The following PTPRM variants were observed in gnomAD, a reference collection of about 807,000 sequenced individuals.
PTPRM encodes the protein receptor-type tyrosine-protein phosphatase mu.
In PTPRM, 47 loss-of-function variants were observed where a neutral mutation model predicts 186.7. The observed-to-expected ratio is 0.25, with a 90% CI of 0.20 to 0.32. PTPRM has a LOEUF of 0.32. Among genes scored for constraint, PTPRM ranks in the 10% least tolerant of loss-of-function variants. The pLI is 1.00. For synonymous variants in PTPRM, 668 were observed against 674.9 expected, an observed-to-expected ratio of 0.99 and a Z score of 0.16; for missense variants, 1,494 against 1,865.0, an observed-to-expected ratio of 0.80 and a Z score of 3.66.
chr18:7,715,029 C>T (rs1042753164), intron 1 of PTPRM, among the ~76,000 whole-genome samples: 31 of 152,158 alleles, frequency 2.0e-4, no homozygotes, highest in Admixed American at 1.7e-3. Flanking sequence ...CATCCTGATA[C>T]CAAAATCTGG....
intron 12 of PTPRM, 24 bp downstream of exon 12, chr18:8,113,783 A>G (rs371712569): frequency 2.2e-5 from 35 of 1,588,290 alleles, no homozygotes; most frequent in African/African-American, 6.7e-5. Flanking sequence ...ATAACTGTTT[A>G]CTTAGGCTAT....
chr18:8,278,986 G>A (rs2094869785), intron 19 of PTPRM, among the ~76,000 whole-genome samples: 2 of 152,058 alleles, frequency 1.3e-5, no homozygotes, highest in South Asian at 4.2e-4. Context: ...TAAATGACGG[G>A]TTAATGGGTG....
At chr18:7,918,014 T>A (rs1231777181) in intron 4 of PTPRM, among the ~76,000 whole-genome samples, 2 of 152,156 alleles carry the variant, frequency 1.3e-5, no homozygotes, top group Non-Finnish European at 2.9e-5. Context: ...TGACAGGATT[T>A]CATGCTTTTT....
intron 1 of PTPRM, among the ~76,000 whole-genome samples, chr18:7,585,014 G>A (rs2036941532): frequency 6.6e-6 from 1 of 152,220 alleles, no homozygotes; most frequent in South Asian, 2.1e-4. Context: ...GTGGAAATTA[G>A]GGAGGGAGAG....
chr18:8,145,689 G>A lies in PTPRM; in HGVS notation c.2300+1910G>A, dbSNP rs184126912. ...ATGGCTGCATAGTATTCCATGGTGCGTATGTGCCACATTTTCTTTATCCAG... is the reference window on the plus strand; with the variant it reads ...ATGGCTGCATAGTATTCCATGGTGCATATGTGCCACATTTTCTTTATCCAG... On this transcript the variant is annotated intron_variant, in intron 14 of 32. Coordinates refer to ENST00000580170, the MANE Select transcript of PTPRM (RefSeq NM_001105244.2). 1.8e-4 allele frequency among the ~76,000 whole-genome samples: 28 copies of A among 152,258 alleles called. No homozygotes were observed. In the East Asian group the frequency reaches 2.1e-3, roughly 12 times the overall value.
chr18:7,787,401 G>A (rs1186521973), intron 2 of PTPRM, among the ~76,000 whole-genome samples: 2 of 152,216 alleles, frequency 1.3e-5, no homozygotes, highest in Non-Finnish European at 2.9e-5. Flanking sequence ...AGAAACATGG[G>A]AACATTGGGC....
At chr18:7,848,465 A>G (rs2046706189) in intron 2 of PTPRM, among the ~76,000 whole-genome samples, 1 of 152,182 alleles carries the variant, frequency 6.6e-6, no homozygotes, top group Non-Finnish European at 1.5e-5. Flanking sequence ...TCTGAATTAC[A>G]AGGAATTGCT....
chr18:7,768,919 T>TACA (rs1235709941), intron 1 of PTPRM, among the ~76,000 whole-genome samples: 1 of 152,106 alleles, frequency 6.6e-6, no homozygotes, highest in Non-Finnish European at 1.5e-5. Flanking sequence ...GTGCTGGGAT[T>TACA]ACAGGTGTGA....
intron 14 of PTPRM, among the ~76,000 whole-genome samples, chr18:8,229,601 T>C (rs1208234040): frequency 6.6e-6 from 1 of 152,208 alleles, no homozygotes; most frequent in African/African-American, 2.4e-5. Context: ...ATCATGATTC[T>C]TTTGTTTATT....
intron 23 of PTPRM, among the ~76,000 whole-genome samples, chr18:8,357,305 T>C (rs773163224): frequency 3.9e-5 from 6 of 152,236 alleles, no homozygotes; most frequent in Non-Finnish European, 5.9e-5. Flanking sequence ...ATAAAAGATA[T>C]TCAGTCTGTT....
At chr18:8,220,080 G>T (rs1568546597) in intron 14 of PTPRM, among the ~76,000 whole-genome samples, 1 of 152,120 alleles carries the variant, frequency 6.6e-6, no homozygotes, top group East Asian at 1.9e-4. Flanking sequence ...TCAGTGGGGA[G>T]CTTAGGATTT....
Position 8,167,016 on chromosome 18 carries a change from A to C in PTPRM, c.2300+23237A>C, listed in dbSNP as rs573196824. On this transcript the variant is annotated intron_variant, in intron 14 of 32. Transcript: ENST00000580170. ...CCAGTTAATAAAAGAAGCACCCTGCAAAGCCAAGTGTGCAGGCTCTAAGCT... is the reference window on the plus strand; with the variant it reads ...CCAGTTAATAAAAGAAGCACCCTGCCAAGCCAAGTGTGCAGGCTCTAAGCT... Among the ~76,000 whole-genome samples, 3 of 152,356 alleles carry C rather than the reference A, an allele frequency of 2.0e-5. No individual in the cohort carries two copies. The South Asian group carries it at 6.2e-4, about 32-fold the overall frequency.
chr18:8,238,978 C>T (rs79009586), intron 14 of PTPRM, among the ~76,000 whole-genome samples: 3 of 143,238 alleles, frequency 2.1e-5, no homozygotes, highest in African/African-American at 5.1e-5. Context: ...CATAGCTTCT[C>T]TTTTTTTTTT....
At chr18:7,872,709 C>T (rs2048042276) in intron 2 of PTPRM, among the ~76,000 whole-genome samples, 1 of 152,180 alleles carries the variant, frequency 6.6e-6, no homozygotes, top group Non-Finnish European at 1.5e-5. Flanking sequence ...TCTGTGGAGG[C>T]AGAAGATGAA....
chr18:7,729,982 A>G lies in PTPRM; in HGVS notation c.74-44167A>G, dbSNP rs149315128. Among the ~76,000 whole-genome samples the G allele has an allele frequency of 4.7e-3, 712 of 152,224 alleles. 10 individuals are homozygous for G. Among genetic ancestry groups the G allele is most frequent in the Middle Eastern group, 0.041 (12 of 294 alleles). On this transcript the variant is annotated intron_variant, in intron 1 of 32. Coordinates refer to ENST00000580170, the MANE Select transcript of PTPRM (RefSeq NM_001105244.2). ...ATGAAATACTTTTCAAGTATCAAATATTTATGGAAAAAAAATCTGCGTTGG... is the reference window on the plus strand; with the variant it reads ...ATGAAATACTTTTCAAGTATCAAATGTTTATGGAAAAAAAATCTGCGTTGG...
At chr18:8,250,543 G>A (rs925143785) in intron 17 of PTPRM, among the ~76,000 whole-genome samples, 83 of 152,102 alleles carry the variant, frequency 5.5e-4, no homozygotes, top group African/African-American at 1.8e-3. Flanking sequence ...ACTTTGGGAG[G>A]CCAAGGCAGG....
chr18:8,113,808 G>A, intron 12 of PTPRM, 49 bp downstream of exon 12: 6 of 1,511,718 alleles, frequency 4.0e-6, no homozygotes, highest in Non-Finnish European at 4.5e-6. Flanking sequence ...GGTTGTTAAT[G>A]TGAACATAGA....
In PTPRM at chr18:8,011,761, A is replaced by G. The variant is rs140475306; in HGVS notation, c.1132+56347A>G. On this transcript the variant is annotated intron_variant, in intron 7 of 32. Transcript: ENST00000580170. ...ATGGTGGCTAATTAGTTCAACTAGA[A>G]TATCAAGAATGAAGCTCAAGGTATC... 1.2e-3 allele frequency among the ~76,000 whole-genome samples: 179 copies of G among 152,356 alleles called. 1 individual carries two copies. The highest frequency in any genetic ancestry group is 4.2e-3 in the African/African-American group (175 of 41,582).
At chr18:8,030,669 A>G (rs2148054915) in intron 7 of PTPRM, among the ~76,000 whole-genome samples, 1 of 152,310 alleles carries the variant, frequency 6.6e-6, no homozygotes, top group African/African-American at 2.4e-5. Flanking sequence ...CCCTCACATG[A>G]GGTGTCTTCT....
Sources: gnomAD v4.1 joint callset for allele counts (sites outside exome capture counted in the v4.1 genomes callset) on GRCh38, gnomAD v4.1.1 for gene constraint, MANE v1.5 for transcripts, NCBI Gene and HGNC (gene_info 2026-07-23, HGNC 2026-07-21) for gene names.